The following CASZ1 variants were observed in gnomAD, a reference collection of about 807,000 sequenced individuals.
CASZ1 encodes the protein castor zinc finger 1.
A neutral mutation model predicts 135.2 loss-of-function variants in CASZ1; 28 were observed. That is an observed-to-expected ratio of 0.21 (90% CI 0.15 to 0.28). The LOEUF (loss-of-function observed/expected upper bound fraction) is 0.28. CASZ1 is among the 10% of genes least tolerant of loss of function. The pLI is 1.00. For synonymous variants in CASZ1, 1,068 were observed against 1,073.4 expected, an observed-to-expected ratio of 0.99 and a Z score of 0.10; for missense variants, 2,161 against 2,453.3, an observed-to-expected ratio of 0.88 and a Z score of 2.52.
At chr1:10,678,836 C>T (rs1638322330) in intron 4 of CASZ1, among the ~76,000 whole-genome samples, 1 of 151,930 alleles carries the variant, frequency 6.6e-6, no homozygotes, top group Non-Finnish European at 1.5e-5. Context: ...ATTAATTTTA[C>T]AGCTAGCTTG....
chr1:10,752,187 C>A (rs1640162601), intron 2 of CASZ1, among the ~76,000 whole-genome samples: 3 of 152,216 alleles, frequency 2.0e-5, no homozygotes, highest in African/African-American at 7.2e-5. Flanking sequence ...ACAGAGGTGG[C>A]CCTGCATAGC....
At chr1:10,737,229 C>A (rs1037406461) in intron 2 of CASZ1, among the ~76,000 whole-genome samples, 2 of 152,250 alleles carry the variant, frequency 1.3e-5, no homozygotes, top group Non-Finnish European at 2.9e-5. Context: ...TGGCTGGGCA[C>A]CTTGTCCTGC....
intron 18 of CASZ1, among the ~76,000 whole-genome samples, chr1:10,644,708 AC>A (rs916970033): frequency 3.3e-5 from 5 of 151,988 alleles, no homozygotes; most frequent in Non-Finnish European, 7.4e-5. Flanking sequence ...TGCGTGAGTC[AC>A]CCCCACTCTT....
rs1296905051 is a variant in CASZ1 at position 10,724,196 on chromosome 1, G to A, written c.-76-18652C>T. 3.3e-5 allele frequency among the ~76,000 whole-genome samples: 5 copies of A among 152,200 alleles called. No homozygotes were observed. Among genetic ancestry groups the A allele is most frequent in the Admixed American group, 2.0e-4 (3 of 15,286 alleles). ...CCCCAGCACACGATCCACAGGGTGA[G>A]AGCAAAGGCCACGTGGTCAGAGCCG... is the stretch of plus-strand genomic sequence containing the variant. On this transcript the variant is annotated intron_variant, in intron 2 of 20. Coordinates refer to ENST00000377022, the MANE Select transcript of CASZ1 (RefSeq NM_001079843.3). This position sits in a 1 kb window ranked among gnomAD's most constrained non-coding sequence, Gnocchi z 4.1.
intron 2 of CASZ1, among the ~76,000 whole-genome samples, chr1:10,753,134 G>A (rs545835956): frequency 3.0e-4 from 45 of 152,262 alleles, no homozygotes; most frequent in Admixed American, 1.4e-3. Flanking sequence ...TAAAAAGTCC[G>A]TGCTATTTGT....
At chr1:10,675,019 C>G (rs1316712884) in intron 4 of CASZ1, among the ~76,000 whole-genome samples, 3 of 152,106 alleles carry the variant, frequency 2.0e-5, no homozygotes, top group East Asian at 1.9e-4. Flanking sequence ...TCAGATACCC[C>G]CCGCAACCAA....
intron 4 of CASZ1, among the ~76,000 whole-genome samples, chr1:10,683,297 G>A (rs1185772590): frequency 2.6e-5 from 4 of 152,108 alleles, no homozygotes; most frequent in African/African-American, 7.2e-5. Context: ...TCTACACTGG[G>A]AAAGAAGCTG....
At position 10,701,618 on chromosome 1, in the gene CASZ1, A is replaced by T. The variant is rs926076149; in HGVS notation, c.-24+3874T>A. 6.6e-6 allele frequency among the ~76,000 whole-genome samples: 1 copy of T among 152,192 alleles called. No homozygotes were observed. Among genetic ancestry groups the T allele is most frequent in the African/African-American group, 2.4e-5 (1 of 41,466 alleles). Reference sequence around the variant, plus strand: ...GAGAGAGGAAGTACCACCAGGGCTAAGGGGAGCTTCTGTCCTGCTCCTCCA... The same window carrying T: ...GAGAGAGGAAGTACCACCAGGGCTATGGGGAGCTTCTGTCCTGCTCCTCCA... On this transcript the variant is annotated intron_variant, in intron 3 of 20. Transcript: ENST00000377022. This position sits in a 1 kb window ranked among gnomAD's most constrained non-coding sequence, Gnocchi z 6.3.
intron 4 of CASZ1, among the ~76,000 whole-genome samples, chr1:10,691,349 A>C (rs1638761625): frequency 6.6e-6 from 1 of 152,206 alleles, no homozygotes; most frequent in Non-Finnish European, 1.5e-5. Flanking sequence ...AAGGGGGTCC[A>C]CATGGCCCCT....
intron 1 of CASZ1, among the ~76,000 whole-genome samples, chr1:10,791,789 T>G (rs1262254045): frequency 6.6e-6 from 1 of 152,194 alleles, no homozygotes; most frequent in East Asian, 1.9e-4. Context: ...TTGAATGATC[T>G]GTTTAACCTA....
At chr1:10,790,566 C>T (rs1640938233) in intron 1 of CASZ1, among the ~76,000 whole-genome samples, 1 of 152,206 alleles carries the variant, frequency 6.6e-6, no homozygotes, top group Non-Finnish European at 1.5e-5. Context: ...CTCTTCTCCT[C>T]TTCAGAAACA....
intron 20 of CASZ1, among the ~76,000 whole-genome samples, chr1:10,642,489 G>A (rs1642236871): frequency 6.6e-6 from 1 of 151,990 alleles, no homozygotes; most frequent in Admixed American, 6.5e-5. Context: ...AGGGGCAGGA[G>A]GAGAGAGAGG....
chr1:10,667,263 T>A (rs1237362815), intron 4 of CASZ1, among the ~76,000 whole-genome samples: 1 of 152,220 alleles, frequency 6.6e-6, no homozygotes, highest in East Asian at 1.9e-4. Flanking sequence ...TTGTAGCCAG[T>A]GGCCAGTACG....
Position 10,649,202 on chromosome 1 carries a change from G to A in CASZ1, c.3036-10C>T, listed in dbSNP as rs1351401026. Reference sequence around the variant, plus strand: ...GTCCTTTGTACCAAACCTAGCCAGAGGAGCTGGCGTTAGAGGAGAGCCTGG... The same window carrying A: ...GTCCTTTGTACCAAACCTAGCCAGAAGAGCTGGCGTTAGAGGAGAGCCTGG... On this transcript the variant is annotated splice_polypyrimidine_tract_variant and intron_variant, in intron 14 of 20. Coordinates refer to ENST00000377022, the MANE Select transcript of CASZ1 (RefSeq NM_001079843.3). The A allele has an allele frequency of 3.1e-6, 5 of 1,613,132 alleles. No individual in the cohort carries two copies. The highest frequency in any genetic ancestry group is 1.7e-5 in the Admixed American group (1 of 59,988).
At chr1:10,716,239 TC>T (rs1407590636) in intron 2 of CASZ1, among the ~76,000 whole-genome samples, 1 of 141,968 alleles carries the variant, frequency 7.0e-6, no homozygotes, top group Non-Finnish European at 1.5e-5. Flanking sequence ...CAGCACCCAA[TC>T]CCCACCCCAT....
chr1:10,651,140 C>T (rs979843879), intron 11 of CASZ1, 64 bp from the exon 12 acceptor site: 14 of 1,350,560 alleles, frequency 1.0e-5, no homozygotes, highest in African/African-American at 3.0e-5. Flanking sequence ...CACAGACAGC[C>T]GCCGTGCCCC....
At chr1:10,672,507 C>G (rs1323777291) in intron 4 of CASZ1, among the ~76,000 whole-genome samples, 1 of 149,272 alleles carries the variant, frequency 6.7e-6, no homozygotes, top group South Asian at 2.2e-4. Flanking sequence ...TCCCCGGGCC[C>G]AATCTGTTTT....
intron 2 of CASZ1, among the ~76,000 whole-genome samples, chr1:10,750,008 T>C (rs1022045981): frequency 1.3e-5 from 2 of 152,140 alleles, no homozygotes. Context: ...GGTATATAAC[T>C]GTGCCCTCTG....
chr1:10,693,745 G>T, intron 4 of CASZ1, 129 bp downstream of exon 4: 1 of 825,674 alleles, frequency 1.2e-6, no homozygotes, highest in Non-Finnish European at 2.1e-6. Context: ...GACGCCGGGA[G>T]GCAGCCGCCC....
Sources: allele counts gnomAD v4.1 joint callset (sites outside exome capture counted in the v4.1 genomes callset), GRCh38; gene constraint gnomAD v4.1.1; non-coding constraint Gnocchi (gnomAD v3.1); transcripts MANE v1.5; gene names NCBI Gene and HGNC (gene_info 2026-07-23, HGNC 2026-07-21).